Variants in GNAL observed in about 807,000 individuals in gnomAD.
GNAL encodes the protein G protein subunit alpha L.
In GNAL, 18 loss-of-function variants were observed where a neutral mutation model predicts 55.1. The observed-to-expected ratio is 0.33, with a 90% confidence interval of 0.23 to 0.48. The LOEUF (loss-of-function observed/expected upper bound fraction) is 0.48, where lower values mean the gene tolerates loss of function less well. Ranked by LOEUF, GNAL falls within the 20% of genes least tolerant of loss-of-function variation. GNAL has a pLI of 0.99. For synonymous variants in GNAL, 253 were observed against 237.0 expected, an observed-to-expected ratio of 1.07 and a Z score of -0.62; for missense variants, 412 against 614.1, an observed-to-expected ratio of 0.67 and a Z score of 3.48.
chr18:11,718,349 A>C (rs911198066), intron 1 of GNAL, among the ~76,000 whole-genome samples: 10 of 152,198 alleles, frequency 6.6e-5, no homozygotes, highest in African/African-American at 2.4e-4. Context: ...CATTTGATTT[A>C]AGTCATTCAG....
chr18:11,747,703 TA>T (rs960867952), intron 1 of GNAL: 1 of 150,870 alleles, frequency 6.6e-6, no homozygotes, highest in African/African-American at 2.4e-5. Context: ...ATAAAAGTCT[TA>T]AATTAAAAAA....
chr18:11,867,320 T>C (rs2036285251), intron 8 of GNAL, 94 bp downstream of exon 8: 2 of 792,564 alleles, frequency 2.5e-6, no homozygotes, highest in Admixed American at 2.0e-5. Flanking sequence ...AATCTCTAAC[T>C]AATATGTAAA....
At chr18:11,792,863 C>A (rs1202023107) in intron 4 of GNAL, among the ~76,000 whole-genome samples, 4 of 152,184 alleles carry the variant, frequency 2.6e-5, no homozygotes, top group African/African-American at 9.7e-5. Context: ...AGGACACTAC[C>A]AAATCCCTTA....
At chr18:11,696,478 T>C (rs1406592835) in intron 1 of GNAL, among the ~76,000 whole-genome samples, 1 of 150,224 alleles carries the variant, frequency 6.7e-6, no homozygotes, top group Non-Finnish European at 1.5e-5. Context: ...GCACTTAAGC[T>C]TGGGCGACTG....
Position 11,814,894 on chromosome 18 carries a change from A to G in GNAL, c.625-10024A>G, listed in dbSNP as rs148621149. 3.2e-4 allele frequency among the ~76,000 whole-genome samples: 48 copies of G among 150,412 alleles called. No homozygotes were observed. The East Asian group carries it at 8.9e-3, about 28-fold the overall frequency. On this transcript the variant is annotated intron_variant, in intron 4 of 11. Transcript: ENST00000334049. The stretch of plus-strand genomic sequence containing the variant: ...TCCTGGGCAATAAGAGTGAAACTCC[A>G]TCTCAAAAAAAAAAAAAAAAAGTTG...
chr18:11,818,099 G>A (rs987786245), intron 4 of GNAL, among the ~76,000 whole-genome samples: 4 of 151,890 alleles, frequency 2.6e-5, no homozygotes, highest in Non-Finnish European at 4.4e-5. Flanking sequence ...CGGGTGTGGT[G>A]GCTCCTGCCT....
At chr18:11,875,350 G>A (rs2036506407) in intron 10 of GNAL, among the ~76,000 whole-genome samples, 2 of 152,206 alleles carry the variant, frequency 1.3e-5, no homozygotes, top group Non-Finnish European at 2.9e-5. Context: ...TGCTTGCGCT[G>A]CTGTAACAAA....
At position 11,689,606 on chromosome 18, in the gene GNAL, C is replaced by G; in HGVS notation, c.43C>G (p.Pro15Ala). Residue 15 changes from proline (P) to alanine (A), a missense_variant, in exon 1 of 12, where the codon CCA becomes GCA. Around this residue, in one of 5 missense-constraint regions of GNAL, gnomAD observed 228 missense variants for 194.8 expected, o/e 1.17. Transcript: ENST00000334049. ...TCTGCGGCCGCTGCTTTTCGGGGGC[C>G]CAGGGGACGACCCCTGCGCGGCCTC... ...YSLRPLLFGG[P>A]GDDPCAASEP... 7.5e-7 allele frequency: 1 copy of G among 1,341,792 alleles called. No homozygotes were observed. The highest frequency in any genetic ancestry group is 9.5e-7 in the Non-Finnish European group (1 of 1,056,932). The allele number at this position is 1,341,792 out of a possible 1,614,324, so 83.1% of individuals were successfully genotyped here.
intron 4 of GNAL, among the ~76,000 whole-genome samples, chr18:11,768,558 G>C (rs1172264840): frequency 6.6e-6 from 1 of 151,536 alleles, no homozygotes; most frequent in Non-Finnish European, 1.5e-5. Flanking sequence ...CTGAGATCAC[G>C]CCACTGCACT....
At chr18:11,692,814 T>TA (rs1246628756) in intron 1 of GNAL, among the ~76,000 whole-genome samples, 1 of 151,444 alleles carries the variant, frequency 6.6e-6, no homozygotes, top group East Asian at 1.9e-4. Context: ...AATGAATAAA[T>TA]AAACAAATAA....
intron 4 of GNAL, among the ~76,000 whole-genome samples, chr18:11,791,617 A>C (rs190835296): frequency 2.7e-3 from 407 of 152,378 alleles, no homozygotes; most frequent in Non-Finnish European, 4.6e-3. Flanking sequence ...AACACACACA[A>C]AAAATTAAGC....
At chr18:11,801,549 G>A (rs2034523319) in intron 4 of GNAL, among the ~76,000 whole-genome samples, 1 of 152,064 alleles carries the variant, frequency 6.6e-6, no homozygotes, top group Non-Finnish European at 1.5e-5. Context: ...TTTGAGTGGA[G>A]GAGGGGCCCT....
intron 1 of GNAL, among the ~76,000 whole-genome samples, chr18:11,736,223 C>T (rs575572030): frequency 1.3e-5 from 2 of 152,184 alleles, no homozygotes; most frequent in South Asian, 2.1e-4. Flanking sequence ...AGTGAGACTT[C>T]GTGTCTACAA....
At chr18:11,787,928 G>A (rs997983502) in intron 4 of GNAL, among the ~76,000 whole-genome samples, 2 of 151,616 alleles carry the variant, frequency 1.3e-5, no homozygotes, top group African/African-American at 4.8e-5. Flanking sequence ...GCCGGCACTG[G>A]TTTGGCCAAT....
At position 11,883,786 on chromosome 18, in the gene GNAL, T is replaced by G. The variant is rs1285130216; in HGVS notation, c.*2651T>G. The G allele has an allele frequency of 2.6e-5, 4 of 151,884 alleles. No homozygotes were observed. The highest frequency in any genetic ancestry group is 5.9e-5 in the Non-Finnish European group (4 of 68,052). The allele number at this position is 151,884 out of a possible 1,614,324, so 9.4% of individuals were successfully genotyped here. On this transcript the variant is annotated 3_prime_UTR_variant, in exon 12 of 12. Coordinates refer to ENST00000334049, the MANE Select transcript of GNAL (RefSeq NM_182978.4). ...ATCTTGGCTCACTGCAACCTCCGCC[T>G]CCCGGGCTCAAGGGATTCTCCTGCC...
chr18:11,741,329 A>G (rs957806201), intron 1 of GNAL, among the ~76,000 whole-genome samples: 2 of 152,228 alleles, frequency 1.3e-5, no homozygotes, highest in Non-Finnish European at 2.9e-5. Flanking sequence ...TTCTATAATC[A>G]TCAAATGAGA....
At position 11,880,855 on chromosome 18, in the gene GNAL, C is replaced by T. The variant is rs2036668352; in HGVS notation, c.1231-134C>T. 5 of 850,206 alleles carry T rather than the reference C, an allele frequency of 5.9e-6. No individual in the cohort carries two copies. In the East Asian group the frequency reaches 1.3e-4, roughly 22 times the overall value. 52.7% of individuals were successfully genotyped at this position (850,206 alleles called of 1,614,324 possible). ...GATGCTTGCATTGAGACCATTCCTG[C>T]CTCTAAGTGCTCCCATGCAAAACAA... is the stretch of plus-strand genomic sequence containing the variant. On this transcript the variant is annotated intron_variant, in intron 11 of 11. Coordinates refer to ENST00000334049, the MANE Select transcript of GNAL (RefSeq NM_182978.4).
At chr18:11,852,775 T>G (rs1341048954) in intron 5 of GNAL, 2 of 166,910 alleles carry the variant, frequency 1.2e-5, no homozygotes, top group Non-Finnish European at 2.9e-5. Flanking sequence ...ACGTGATAAT[T>G]GTCTTTGCGT....
In GNAL at chr18:11,689,682, C is replaced by CCCA; in HGVS notation, c.119_120insCCA (p.Pro40_Val41insGln). 1 of 1,456,492 alleles carries CCCA rather than the reference C, an allele frequency of 6.9e-7. No homozygotes were observed. The allele number at this position is 1,456,492 out of a possible 1,614,324, so 90.2% of individuals were successfully genotyped here. A position where few individuals can be genotyped will look rare whatever the true frequency, so the allele number is the denominator to read the frequency against. On this transcript the variant is annotated inframe_insertion, in exon 1 of 12. Transcript: ENST00000334049. ...CCCGCCCCGGCCCCGGCCCTGGCCC[C>CCCA]AGTCCGGGCGGCCGCAAGGGACACG... is the stretch of plus-strand genomic sequence containing the variant.
Sources: allele counts gnomAD v4.1 joint callset (sites outside exome capture counted in the v4.1 genomes callset), GRCh38; gene constraint gnomAD v4.1.1; regional missense constraint gnomAD v4.1.1; transcripts MANE v1.5; gene names NCBI Gene and HGNC (gene_info 2026-07-23, HGNC 2026-07-21).